PAK6: variants seen among roughly 807,000 people sequenced by gnomAD.
The protein encoded by PAK6 is serine/threonine-protein kinase PAK 6.
PAK6 carries 33 observed loss-of-function variants against 60.8 expected under a neutral mutation model. That is an observed-to-expected ratio of 0.54 (90% CI 0.41 to 0.73). The LOEUF (loss-of-function observed/expected upper bound fraction) is 0.73. PAK6 is among the 30% of genes least tolerant of loss of function. PAK6 has a pLI of 0.00. For missense variants in PAK6, 845 were observed against 904.1 expected, an observed-to-expected ratio of 0.93 and a Z score of 0.84; for synonymous variants, 404 against 378.5, an observed-to-expected ratio of 1.07 and a Z score of -0.78.
At chr15:40,257,969 C>G (rs1444729580) in intron 3 of PAK6, among the ~76,000 whole-genome samples, 1 of 152,228 alleles carries the variant, frequency 6.6e-6, no homozygotes, top group Non-Finnish European at 1.5e-5. Context: ...AGGCTGAGCC[C>G]CTACAGAGGG....
chr15:40,250,180 G>A (rs951370371), intron 2 of PAK6, among the ~76,000 whole-genome samples: 1 of 152,208 alleles, frequency 6.6e-6, no homozygotes, highest in African/African-American at 2.4e-5. Context: ...AGCTGGGCAC[G>A]GATCAGAGGA....
At position 40,272,491 on chromosome 15, in the gene PAK6, G is replaced by A. The variant is rs569144141; in HGVS notation, c.1126G>A (p.Ala376Thr). The A allele has an allele frequency of 3.7e-6, 6 of 1,613,836 alleles. No homozygotes were observed. The South Asian group carries it at 6.6e-5, about 18-fold the overall frequency. The change falls in exon 6 of 11, where the codon GCC becomes ACC. Residue 376 changes from alanine to threonine, a missense_variant. Physicochemically the swap from Ala to Thr is moderately conservative, Grantham distance 58. Transcript: ENST00000560346. ...CCAGGACCCCACGGTTGCCAAGGGTGCCCTGGCTGGTGAGGACACAGGTGT... is the reference window on the plus strand; with the variant it reads ...CCAGGACCCCACGGTTGCCAAGGGTACCCTGGCTGGTGAGGACACAGGTGT...
chr15:40,253,620 G>A (rs759533971), intron 3 of PAK6, among the ~76,000 whole-genome samples: 1 of 152,230 alleles, frequency 6.6e-6, no homozygotes, highest in Non-Finnish European at 1.5e-5. Context: ...TTCATGCCGG[G>A]GAAGAGGTTC....
At chr15:40,252,810 G>C in intron 2 of PAK6, 2 of 1,295,834 alleles carry the variant, frequency 1.5e-6, no homozygotes, top group South Asian at 1.2e-5. Context: ...CAGGCGAGGG[G>C]CCTTGGGCGC....
At chr15:40,242,788 AG>A (rs1401302547) in intron 2 of PAK6, among the ~76,000 whole-genome samples, 1 of 152,180 alleles carries the variant, frequency 6.6e-6, no homozygotes, top group Non-Finnish European at 1.5e-5. Context: ...TGTGAGATAA[AG>A]GGGACCGTGT....
At chr15:40,267,581 C>T (rs1452779075) in intron 5 of PAK6, among the ~76,000 whole-genome samples, 1 of 152,206 alleles carries the variant, frequency 6.6e-6, no homozygotes, top group Non-Finnish European at 1.5e-5. Flanking sequence ...ATGGCGTGAA[C>T]CCGGGAGGCA....
intron 3 of PAK6, chr15:40,259,120 T>A (rs1296959700): frequency 6.6e-6 from 1 of 152,224 alleles, no homozygotes; most frequent in Non-Finnish European, 1.5e-5. Flanking sequence ...CCTCCTGGTG[T>A]CTTCTTGGAG....
rs1009020028 is a variant in PAK6, at chr15:40,245,331, GCTGC to G, written c.-118+4666_-118+4669del. 9 of 152,480 alleles carry G rather than the reference GCTGC, an allele frequency of 5.9e-5. No homozygotes were observed. In the East Asian group the frequency reaches 1.5e-3, roughly 26 times the overall value. 9.4% of individuals were successfully genotyped at this position (152,480 alleles called of 1,614,324 possible). ...CCAGTCACCTTGCCCAAGACCTCCT[GCTGC>G]CTGCCTGCCTGCCTGGTGACCAGGA... On this transcript the variant is annotated intron_variant, in intron 2 of 10. Transcript: ENST00000560346.
intron 3 of PAK6, among the ~76,000 whole-genome samples, chr15:40,255,348 C>G (rs2038806369): frequency 6.6e-6 from 1 of 152,184 alleles, no homozygotes; most frequent in South Asian, 2.1e-4. Flanking sequence ...AGGCAGAGAG[C>G]CCAAACATTT....
intron 3 of PAK6, among the ~76,000 whole-genome samples, chr15:40,263,405 G>T (rs2039034277): frequency 1.3e-5 from 2 of 152,230 alleles, no homozygotes; most frequent in South Asian, 4.2e-4. Context: ...ATCAACATGT[G>T]ATCCCAGGTC....
At chr15:40,247,971 C>T (rs113884947) in intron 2 of PAK6, among the ~76,000 whole-genome samples, 54 of 152,294 alleles carry the variant, frequency 3.5e-4, no homozygotes, top group South Asian at 2.3e-3. Context: ...CCTTTCACCC[C>T]GTTTGGGGGT....
At chr15:40,266,180 C>T (rs1225039431) in exon 5 of PAK6, 6 of 1,609,140 alleles carry the variant, frequency 3.7e-6, no homozygotes, top group South Asian at 1.1e-5. Context: ...AGTCCCTGGG[C>T]CCCGCCGAGT....
chr15:40,252,722 G>C, intron 2 of PAK6: 1 of 1,303,662 alleles, frequency 7.7e-7, no homozygotes, highest in South Asian at 1.2e-5. Context: ...GGAGGTTCGC[G>C]GCGAGAGGAC....
intron 3 of PAK6, chr15:40,264,020 C>T: frequency 6.7e-6 from 3 of 449,244 alleles, no homozygotes; most frequent in South Asian, 4.7e-5. Flanking sequence ...GTTAGCTGCC[C>T]CTCACCCACC....
intron 4 of PAK6, 132 bp from the exon 5 acceptor site, chr15:40,265,710 G>A (rs2039107140): frequency 5.6e-6 from 4 of 716,448 alleles, no homozygotes; most frequent in Middle Eastern, 2.9e-4. Flanking sequence ...ATGGGTGGAT[G>A]ACACAGCAGG....
exon 4 of PAK6, chr15:40,264,803 G>A: frequency 6.2e-7 from 1 of 1,613,880 alleles, no homozygotes; most frequent in Non-Finnish European, 8.5e-7. Flanking sequence ...GCAAGAAAAA[G>A]AAGAAACGCC....
chr15:40,268,098 A>G (rs2039196925), intron 5 of PAK6, among the ~76,000 whole-genome samples: 1 of 152,124 alleles, frequency 6.6e-6, no homozygotes, highest in Non-Finnish European at 1.5e-5. Context: ...TGTCCCCCAT[A>G]CTTGTGGGAG....
chr15:40,242,758 C>T (rs76650903), intron 2 of PAK6, among the ~76,000 whole-genome samples: 3,639 of 152,268 alleles, frequency 0.024, 61 homozygotes, highest in Middle Eastern at 0.044. Context: ...CCAGGAAGGG[C>T]TAAAGCGAGA....
chr15:40,275,956 G>A (rs1052239290), exon 11 of PAK6: 2 of 1,613,200 alleles, frequency 1.2e-6, no homozygotes, highest in Admixed American at 1.7e-5. Context: ...ACTTCCTGGA[G>A]CGGATGCTGG....
Sources: allele counts gnomAD v4.1 joint callset (sites outside exome capture counted in the v4.1 genomes callset), GRCh38; gene constraint gnomAD v4.1.1; transcripts MANE v1.5; gene names NCBI Gene and HGNC (gene_info 2026-07-23, HGNC 2026-07-21).